Variants in NAV3 observed in about 807,000 individuals in gnomAD.
The protein encoded by NAV3 is neuron navigator 3.
A neutral mutation model predicts 244.7 loss-of-function variants in NAV3; 87 were observed. The ratio of observed to expected loss-of-function variants is 0.36; its 90% confidence interval spans 0.30 to 0.42. The LOEUF (loss-of-function observed/expected upper bound fraction) is 0.42, where lower values mean the gene tolerates loss of function less well. Among genes scored for constraint, NAV3 ranks in the 20% least tolerant of loss-of-function variants. NAV3 has a pLI of 1.00. For synonymous variants in NAV3, 1,126 were observed against 1,042.2 expected, an observed-to-expected ratio of 1.08 and a Z score of -1.55; for missense variants, 2,663 against 2,893.3, an observed-to-expected ratio of 0.92 and a Z score of 1.83.
At chr12:77,873,352 C>T (rs1881275263) in intron 1 of NAV3, among the ~76,000 whole-genome samples, 1 of 151,938 alleles carries the variant, frequency 6.6e-6, no homozygotes, top group Non-Finnish European at 1.5e-5. Flanking sequence ...ACAATTGATA[C>T]AGATCTTATT....
chr12:78,193,691 A>G (rs1959079283), intron 34 of NAV3, among the ~76,000 whole-genome samples: 1 of 152,152 alleles, frequency 6.6e-6, no homozygotes, highest in Admixed American at 6.6e-5. Flanking sequence ...AATCTGTGAA[A>G]AACTCCTCTA....
At chr12:78,015,870 T>C (rs906394148) in intron 8 of NAV3, among the ~76,000 whole-genome samples, 15 of 152,248 alleles carry the variant, frequency 9.9e-5, no homozygotes, top group East Asian at 5.8e-4. Flanking sequence ...CATTCTACTT[T>C]AAGAAAGAGA....
At chr12:77,996,599 T>C (rs1014427266) in intron 6 of NAV3, among the ~76,000 whole-genome samples, 4 of 152,330 alleles carry the variant, frequency 2.6e-5, no homozygotes, top group African/African-American at 9.6e-5. Flanking sequence ...ATAATGACTG[T>C]TACTATTATA....
chr12:77,854,588 T>C (rs1026760635), intron 1 of NAV3, among the ~76,000 whole-genome samples: 5 of 19,382 alleles, frequency 2.6e-4, no homozygotes, highest in Non-Finnish European at 6.3e-4. Context: ...TATGTGTGTA[T>C]GTGTGTGTGT....
chr12:78,143,356 C>T (rs896129767), intron 20 of NAV3: 31 of 421,768 alleles, frequency 7.4e-5, no homozygotes, highest in African/African-American at 4.4e-4. Context: ...TAAGGCCAAG[C>T]GCGGTGGCTC....
At chr12:78,062,719 A>C (rs1402691430) in intron 12 of NAV3, among the ~76,000 whole-genome samples, 2 of 152,152 alleles carry the variant, frequency 1.3e-5, no homozygotes, top group Admixed American at 6.6e-5. Flanking sequence ...AGAATCATGC[A>C]GCTAATAGTA....
intron 12 of NAV3, among the ~76,000 whole-genome samples, chr12:78,102,775 G>A (rs1308743941): frequency 6.6e-6 from 1 of 152,198 alleles, no homozygotes; most frequent in Non-Finnish European, 1.5e-5. Flanking sequence ...AGCTGCCAAG[G>A]TTTGGGGCTT....
intron 9 of NAV3, among the ~76,000 whole-genome samples, chr12:78,040,347 A>G (rs1462681561): frequency 6.6e-6 from 1 of 152,168 alleles, no homozygotes; most frequent in Non-Finnish European, 1.5e-5. Context: ...TGTCATGATG[A>G]AAAAAACCTA....
intron 1 of NAV3, among the ~76,000 whole-genome samples, chr12:77,844,179 G>A (rs1406717189): frequency 6.6e-6 from 1 of 152,154 alleles, no homozygotes; most frequent in Non-Finnish European, 1.5e-5. Flanking sequence ...CGAGGTGACG[G>A]CAGGTTTGGT....
chr12:78,189,908 G>T, intron 33 of NAV3, 76 bp from the exon 34 acceptor site: 1 of 1,062,802 alleles, frequency 9.4e-7, no homozygotes, highest in East Asian at 2.4e-5. Context: ...CAATGCTGTT[G>T]CTGTTTAGCA....
At chr12:78,018,517 G>A (rs138371774) in intron 8 of NAV3, among the ~76,000 whole-genome samples, 19 of 152,258 alleles carry the variant, frequency 1.2e-4, no homozygotes, top group African/African-American at 4.3e-4. Flanking sequence ...TAACTAACAT[G>A]GCCAGAAACA....
intron 9 of NAV3, among the ~76,000 whole-genome samples, chr12:78,022,702 A>T (rs557718100): frequency 4.7e-5 from 7 of 149,590 alleles, no homozygotes; most frequent in African/African-American, 1.7e-4. Context: ...AAGTATAAGT[A>T]TTGCTATGAA....
intron 1 of NAV3, among the ~76,000 whole-genome samples, chr12:77,869,566 C>T (rs965989865): frequency 7.2e-5 from 11 of 152,170 alleles, no homozygotes; most frequent in African/African-American, 2.6e-4. Flanking sequence ...CTGCAGTTTC[C>T]TTCCATTACT....
intron 3 of NAV3, among the ~76,000 whole-genome samples, chr12:77,941,555 A>G (rs1413233574): frequency 1.3e-5 from 2 of 152,174 alleles, no homozygotes; most frequent in Admixed American, 6.5e-5. Context: ...GGACTCTTCA[A>G]CACTTCTGGA....
chr12:78,146,764 A>T (rs440308), intron 21 of NAV3, among the ~76,000 whole-genome samples: 8,078 of 152,110 alleles, frequency 0.053, 277 homozygotes, highest in Non-Finnish European at 0.072. Flanking sequence ...AAACTTGGGC[A>T]CCAAGCCTCC....
chr12:78,206,020 C>A (rs773333063), intron 39 of NAV3, among the ~76,000 whole-genome samples: 2 of 152,090 alleles, frequency 1.3e-5, no homozygotes, highest in Non-Finnish European at 2.9e-5. Flanking sequence ...CCCTGACACA[C>A]ACATCATCAT....
chr12:77,787,246 TGGTTCTGATTTCATAA>T (rs1432956255), intron 2 of NAV3, among the ~76,000 whole-genome samples: 1 of 152,184 alleles, frequency 6.6e-6, no homozygotes, highest in African/African-American at 2.4e-5. Context: ...CATTTTTGAA[TGGTTCTGATTTCATAA>T]GCTTCCACCT....
intron 5 of NAV3, among the ~76,000 whole-genome samples, chr12:77,993,029 C>G (rs999605743): frequency 1.1e-4 from 16 of 152,198 alleles, no homozygotes; most frequent in African/African-American, 3.9e-4. Flanking sequence ...GTTCAAAGTA[C>G]AGTATCCTTA....
chr12:78,055,234 GTATATATA>G (rs1883312543), intron 11 of NAV3, among the ~76,000 whole-genome samples: 2 of 890 alleles, frequency 2.2e-3, no homozygotes, highest in Admixed American at 0.019. Flanking sequence ...ACACATATGT[GTATATATA>G]CATATATATG....
Sources: gnomAD v4.1 joint callset for allele counts (sites outside exome capture counted in the v4.1 genomes callset) on GRCh38, gnomAD v4.1.1 for gene constraint, MANE v1.5 for transcripts, NCBI Gene and HGNC (gene_info 2026-07-23, HGNC 2026-07-21) for gene names.